PRELID2: variants seen among roughly 807,000 people sequenced by gnomAD.
The protein encoded by PRELID2 is PRELI domain containing 2.
PRELID2 carries 25 observed loss-of-function variants against 28.4 expected under a neutral mutation model. The observed-to-expected ratio is 0.88, with a 90% CI of 0.64 to 1.23. The LOEUF is 1.23. PRELID2 is among the 50% of genes most tolerant of loss of function. The probability of loss-of-function intolerance (pLI) is 0.00; values close to 1 mark genes in which losing one functional copy is unlikely to be tolerated. For synonymous variants in PRELID2, 76 were observed against 71.6 expected (o/e 1.06, Z -0.31); for missense variants, 201 against 214.4 (o/e 0.94, Z 0.39).
chr5:145,438,390 T>C, the PRELID2 span, among the ~76,000 whole-genome samples: 1 of 152,124 alleles, frequency 6.6e-6, no homozygotes, highest in Non-Finnish European at 1.5e-5. Context: ...TGACAAATCC[T>C]CTCTTTTGTA....
the PRELID2 span, among the ~76,000 whole-genome samples, chr5:145,382,605 G>A: frequency 6.6e-6 from 1 of 151,898 alleles, no homozygotes; most frequent in Non-Finnish European, 1.5e-5. Flanking sequence ...TATCCATCCA[G>A]CATTTTTTCT....
intron 1 of PRELID2, among the ~76,000 whole-genome samples, chr5:145,646,154 C>T (rs900653179): frequency 6.6e-6 from 1 of 152,198 alleles, no homozygotes; most frequent in East Asian, 1.9e-4. Context: ...TACTCCCAGT[C>T]ACTTTTAGGT....
At chr5:145,580,045 A>G (rs1482015081) in intron 1 of PRELID2, among the ~76,000 whole-genome samples, 1 of 152,124 alleles carries the variant, frequency 6.6e-6, no homozygotes, top group Non-Finnish European at 1.5e-5. Context: ...TATAGAATTC[A>G]ATCTATTGAC....
At chr5:145,342,407 AAGAGAAAAG>A in the PRELID2 span, among the ~76,000 whole-genome samples, 3 of 152,286 alleles carry the variant, frequency 2.0e-5, no homozygotes, top group East Asian at 5.8e-4. Flanking sequence ...AATTATAAAC[AAGAGAAAAG>A]AGAGAAACAA....
chr5:145,516,933 A>G (rs751439353), intron 1 of PRELID2, among the ~76,000 whole-genome samples: 1 of 152,206 alleles, frequency 6.6e-6, no homozygotes, highest in Non-Finnish European at 1.5e-5. Context: ...CTGGCTAGCT[A>G]TACACAGAAA....
At chr5:145,579,079 A>G (rs1753085878) in intron 1 of PRELID2, among the ~76,000 whole-genome samples, 1 of 152,020 alleles carries the variant, frequency 6.6e-6, no homozygotes, top group Non-Finnish European at 1.5e-5. Flanking sequence ...CTACTTGTTC[A>G]CTTGTAAAAT....
At chr5:145,735,861 A>T (rs142065936) in intron 1 of PRELID2, among the ~76,000 whole-genome samples, 1 of 152,342 alleles carries the variant, frequency 6.6e-6, no homozygotes, top group East Asian at 1.9e-4. Context: ...CGTGTGAACT[A>T]AGTGAAATGG....
At chr5:145,229,493 C>T in the PRELID2 span, 1 of 1,097,148 alleles carries the variant, frequency 9.1e-7, no homozygotes, top group African/African-American at 1.5e-5. Flanking sequence ...TCTCAAGATC[C>T]AATTCAAAAA....
At chr5:145,835,062 G>T in intron 1 of PRELID2, 115 bp downstream of exon 1, 1 of 706,196 alleles carries the variant, frequency 1.4e-6, no homozygotes, top group Non-Finnish European at 2.4e-6. Context: ...CTGAAGCAAA[G>T]CCCGCAGCTG....
At chr5:145,313,016 GA>G in the PRELID2 span, among the ~76,000 whole-genome samples, 12 of 151,012 alleles carry the variant, frequency 7.9e-5, no homozygotes, top group South Asian at 2.1e-4. Flanking sequence ...TACAGAAATA[GA>G]AAAAAAAATT....
the PRELID2 span, among the ~76,000 whole-genome samples, chr5:145,294,506 G>C: frequency 1.3e-5 from 2 of 152,092 alleles, no homozygotes; most frequent in African/African-American, 4.8e-5. Flanking sequence ...CAATTCCATT[G>C]CTAACCCTGT....
the PRELID2 span, among the ~76,000 whole-genome samples, chr5:145,260,913 G>T: frequency 6.6e-6 from 1 of 152,162 alleles, no homozygotes; most frequent in Non-Finnish European, 1.5e-5. Flanking sequence ...TTGTAGCCTG[G>T]GGCAAGTTCT....
chr5:145,516,600 C>T (rs1202224585), intron 1 of PRELID2, among the ~76,000 whole-genome samples: 1 of 152,132 alleles, frequency 6.6e-6, no homozygotes, highest in Non-Finnish European at 1.5e-5. Flanking sequence ...CCCCATCAAG[C>T]TACCATTGAC....
chr5:145,514,610 A>T (rs764848590), intron 1 of PRELID2, among the ~76,000 whole-genome samples: 5 of 152,192 alleles, frequency 3.3e-5, no homozygotes, highest in African/African-American at 4.8e-5. Flanking sequence ...ATTAACAAGG[A>T]TATTCAGGAC....
chr5:145,531,516 C>G (rs761615622), intron 1 of PRELID2, among the ~76,000 whole-genome samples: 1 of 152,174 alleles, frequency 6.6e-6, no homozygotes, highest in African/African-American at 2.4e-5. Context: ...CATCGTCTCA[C>G]CCTTCACTGA....
At chr5:145,582,316 G>T (rs116140541) in intron 1 of PRELID2, among the ~76,000 whole-genome samples, 1 of 152,002 alleles carries the variant, frequency 6.6e-6, no homozygotes, top group Non-Finnish European at 1.5e-5. Context: ...CATGGCAGAC[G>T]GTAAAGGAAA....
chr5:145,233,624 C>G, the PRELID2 span, among the ~76,000 whole-genome samples: 2 of 152,086 alleles, frequency 1.3e-5, no homozygotes, highest in Non-Finnish European at 2.9e-5. Flanking sequence ...TTAAAAAGGT[C>G]GGAAATGCTG....
chr5:145,765,935 C>T (rs1033170179), intron 5 of PRELID2, among the ~76,000 whole-genome samples: 1 of 152,200 alleles, frequency 6.6e-6, no homozygotes, highest in Non-Finnish European at 1.5e-5. Context: ...GGAAACAGCA[C>T]AGGCACCCTC....
chr5:145,459,320 C>T, the PRELID2 span, among the ~76,000 whole-genome samples: 3 of 152,188 alleles, frequency 2.0e-5, no homozygotes, highest in Non-Finnish European at 4.4e-5. Context: ...GATGCTACAT[C>T]ATAACTGAAC....
Sources: allele counts gnomAD v4.1 joint callset (sites outside exome capture counted in the v4.1 genomes callset), GRCh38; gene constraint gnomAD v4.1.1; transcripts MANE v1.5; gene names NCBI Gene and HGNC (gene_info 2026-07-23, HGNC 2026-07-21).